The following DGKB variants were observed in gnomAD, a reference collection of about 807,000 sequenced individuals.
DGKB encodes 90 kDa diacylglycerol kinase.
In DGKB, 67 loss-of-function variants were observed where a neutral mutation model predicts 114.3. The ratio of observed to expected loss-of-function variants is 0.59; its 90% CI spans 0.48 to 0.72. The LOEUF is 0.72. Ranked by LOEUF, DGKB falls within the 30% of genes least tolerant of loss-of-function variation. The pLI, the probability that DGKB is intolerant of heterozygous loss-of-function variation, is 0.00. For synonymous variants in DGKB, 398 were observed against 323.1 expected, an observed-to-expected ratio of 1.23 and a Z score of -2.49; for missense variants, 907 against 975.2, an observed-to-expected ratio of 0.93 and a Z score of 0.93.
intron 17 of DGKB, among the ~76,000 whole-genome samples, chr7:14,592,454 A>G (rs933993090): frequency 6.6e-6 from 1 of 151,988 alleles, no homozygotes; most frequent in South Asian, 2.1e-4. Context: ...ACAGTTACAT[A>G]CTATATTATT....
intron 20 of DGKB, among the ~76,000 whole-genome samples, chr7:14,539,049 T>C (rs1029644831): frequency 6.6e-6 from 1 of 152,134 alleles, no homozygotes; most frequent in African/African-American, 2.4e-5. Flanking sequence ...CATTTTGTAA[T>C]TGGACCAATT....
At chr7:14,856,918 T>C (rs940421635) in intron 1 of DGKB, among the ~76,000 whole-genome samples, 2 of 152,058 alleles carry the variant, frequency 1.3e-5, no homozygotes, top group African/African-American at 4.8e-5. Flanking sequence ...CACCTTAGGG[T>C]AAGCACCCAT....
At chr7:14,626,944 C>T (rs1303403711) in intron 14 of DGKB, among the ~76,000 whole-genome samples, 3 of 152,000 alleles carry the variant, frequency 2.0e-5, no homozygotes, top group Non-Finnish European at 4.4e-5. Flanking sequence ...TCTGTGTAAG[C>T]TTGGGCAAGT....
intron 7 of DGKB, among the ~76,000 whole-genome samples, chr7:14,699,659 G>A (rs972967554): frequency 1.3e-5 from 2 of 151,870 alleles, no homozygotes; most frequent in Admixed American, 6.6e-5. Flanking sequence ...CACCTTAAAG[G>A]TACCAAGACA....
intron 1 of DGKB, among the ~76,000 whole-genome samples, chr7:14,863,821 C>T (rs1420279273): frequency 2.0e-5 from 3 of 151,808 alleles, no homozygotes; most frequent in South Asian, 2.1e-4. Flanking sequence ...AAATGGAGGC[C>T]GGGTGTGGTG....
chr7:14,507,266 T>G (rs949371277), intron 20 of DGKB, among the ~76,000 whole-genome samples: 4 of 152,204 alleles, frequency 2.6e-5, no homozygotes, highest in African/African-American at 9.7e-5. Context: ...TTATGGCAAT[T>G]CAGAATCTAG....
At chr7:14,813,677 C>G (rs1210345200) in intron 2 of DGKB, among the ~76,000 whole-genome samples, 1 of 152,006 alleles carries the variant, frequency 6.6e-6, no homozygotes, top group African/African-American at 2.4e-5. Context: ...TAATAACTTA[C>G]TCCTGTCATC....
At chr7:14,964,658 G>A (rs888974050) in intron 1 of DGKB, among the ~76,000 whole-genome samples, 1 of 152,122 alleles carries the variant, frequency 6.6e-6, no homozygotes, top group African/African-American at 2.4e-5. Context: ...ACAGGAGTTG[G>A]GCTAGTTAGG....
chr7:14,558,369 T>G (rs1218596729), intron 20 of DGKB, among the ~76,000 whole-genome samples: 1 of 152,074 alleles, frequency 6.6e-6, no homozygotes, highest in Admixed American at 6.6e-5. Context: ...ACATTAGAAT[T>G]GTATATTTCC....
intron 23 of DGKB, among the ~76,000 whole-genome samples, chr7:14,312,184 T>C (rs1239176979): frequency 1.3e-5 from 2 of 152,216 alleles, no homozygotes; most frequent in Non-Finnish European, 2.9e-5. Context: ...CTGTTAACTC[T>C]CTTGACCCCT....
intron 23 of DGKB, among the ~76,000 whole-genome samples, chr7:14,226,508 T>C (rs527984032): frequency 6.6e-5 from 10 of 152,158 alleles, no homozygotes; most frequent in African/African-American, 2.2e-4. Context: ...AATTATACAT[T>C]GCTTTAACAA....
chr7:14,939,626 T>TTC, intron 1 of DGKB, among the ~76,000 whole-genome samples: 1 of 133,978 alleles, frequency 7.5e-6, no homozygotes, highest in East Asian at 2.2e-4. Context: ...TAATACTTTT[T>TTC]TTTTTTTTTT....
At chr7:14,176,333 A>G in intron 25 of DGKB, 1 of 984,594 alleles carries the variant, frequency 1.0e-6, no homozygotes, top group Non-Finnish European at 1.2e-6. Context: ...GCCTTAAATA[A>G]TACCTCATTC....
intron 2 of DGKB, among the ~76,000 whole-genome samples, chr7:14,808,599 A>G (rs1843037480): frequency 2.6e-5 from 4 of 152,128 alleles, no homozygotes; most frequent in Admixed American, 2.6e-4. Context: ...ACTTGATGGA[A>G]ATAATAATTG....
intron 20 of DGKB, among the ~76,000 whole-genome samples, chr7:14,550,675 C>T (rs961500950): frequency 9.2e-5 from 14 of 152,134 alleles, no homozygotes; most frequent in Admixed American, 7.9e-4. Flanking sequence ...CATAACTTGT[C>T]AATTTCTCAA....
chr7:14,670,127 G>A lies in DGKB; in HGVS notation c.1134+2802C>T, dbSNP rs151318375. ...GTGTTGTTATTTTGTTTTCAATAGTGTAAATATTCATAGTGAAATAATTAT... is the reference window on the plus strand; with the variant it reads ...GTGTTGTTATTTTGTTTTCAATAGTATAAATATTCATAGTGAAATAATTAT... On this transcript the variant is annotated intron_variant, in intron 13 of 25. Transcript: ENST00000402815. 2.9e-3 allele frequency among the ~76,000 whole-genome samples: 440 copies of A among 152,024 alleles called. 2 individuals are homozygous for A. The highest frequency in any genetic ancestry group is 9.6e-3 in the African/African-American group (400 of 41,468).
chr7:14,148,994 C>T lies in DGKB; in HGVS notation c.*137G>A. On this transcript the variant is annotated 3_prime_UTR_variant, in exon 26 of 26. Transcript: ENST00000402815. ...TTCTAATAGCTGAATTTTACATTAG[C>T]TTAGTAACAAAAACTGTTAAACCAC... is the stretch of plus-strand genomic sequence containing the variant. The T allele has an allele frequency of 4.1e-6, 3 of 724,986 alleles. No individual in the cohort carries two copies. In the South Asian group the frequency reaches 5.1e-5, roughly 12 times the overall value. 44.9% of individuals were successfully genotyped at this position (724,986 alleles called of 1,614,324 possible). A position where few individuals can be genotyped will look rare whatever the true frequency, so the allele number is the denominator to read the frequency against.
intron 20 of DGKB, among the ~76,000 whole-genome samples, chr7:14,501,659 G>A (rs1786203490): frequency 6.6e-6 from 1 of 151,890 alleles, no homozygotes; most frequent in South Asian, 2.1e-4. Flanking sequence ...GTGTTCTGCT[G>A]GATTTCATAA....
chr7:14,699,506 C>T (rs1056809536), intron 7 of DGKB, among the ~76,000 whole-genome samples: 1 of 152,148 alleles, frequency 6.6e-6, no homozygotes, highest in African/African-American at 2.4e-5. Context: ...AAAGGTTAAA[C>T]ATGTTATTAT....
Sources: gnomAD v4.1 joint callset for allele counts (sites outside exome capture counted in the v4.1 genomes callset) on GRCh38, gnomAD v4.1.1 for gene constraint, MANE v1.5 for transcripts, NCBI Gene and HGNC (gene_info 2026-07-23, HGNC 2026-07-21) for gene names.